Variants in LINGO2 observed in about 807,000 individuals in gnomAD.
LINGO2 encodes leucine rich repeat and Ig domain containing 2, also known as leucine-rich repeat and immunoglobulin-like domain-containing nogo receptor-interacting protein 2.
LINGO2 carries 14 observed loss-of-function variants against 30.6 expected under a neutral mutation model. The ratio of observed to expected loss-of-function variants is 0.46; its 90% CI spans 0.30 to 0.72. The LOEUF (loss-of-function observed/expected upper bound fraction) is 0.72. Ranked by LOEUF, LINGO2 falls within the 30% of genes least tolerant of loss-of-function variation. The pLI, the probability that LINGO2 is intolerant of heterozygous loss-of-function variation, is 0.07. For synonymous variants in LINGO2, 317 were observed against 288.5 expected, an observed-to-expected ratio of 1.10 and a Z score of -1.00; for missense variants, 729 against 751.7, an observed-to-expected ratio of 0.97 and a Z score of 0.35.
chr9:28,446,188 C>G (rs1824419844), intron 2 of LINGO2, among the ~76,000 whole-genome samples: 1 of 151,968 alleles, frequency 6.6e-6, no homozygotes, highest in African/African-American at 2.4e-5. Flanking sequence ...TGGAATGAAA[C>G]AAATTAAGGA....
chr9:28,109,436 G>GAA (rs1343301582), intron 4 of LINGO2, among the ~76,000 whole-genome samples: 12 of 152,068 alleles, frequency 7.9e-5, no homozygotes. Flanking sequence ...ATTCAAATAG[G>GAA]AAGAGGTGAA....
At chr9:29,102,602 G>C in the LINGO2 span, among the ~76,000 whole-genome samples, 1 of 152,108 alleles carries the variant, frequency 6.6e-6, no homozygotes, top group East Asian at 1.9e-4. Context: ...TGTAGGATTT[G>C]TGTTTTTATC....
At chr9:28,001,127 G>A (rs1449585290) in intron 5 of LINGO2, among the ~76,000 whole-genome samples, 1 of 152,106 alleles carries the variant, frequency 6.6e-6, no homozygotes, top group African/African-American at 2.4e-5. Context: ...TAGTACAGAA[G>A]TTTCCAAACA....
chr9:28,595,257 C>G (rs1206189729), intron 1 of LINGO2, among the ~76,000 whole-genome samples: 1 of 152,066 alleles, frequency 6.6e-6, no homozygotes, highest in Admixed American at 6.6e-5. Flanking sequence ...AATTGTGAGA[C>G]AGAAATACAT....
intron 4 of LINGO2, among the ~76,000 whole-genome samples, chr9:28,041,385 A>T (rs1180327919): frequency 1.3e-5 from 2 of 152,112 alleles, no homozygotes; most frequent in African/African-American, 4.8e-5. Flanking sequence ...AGCTGCTTGG[A>T]ACTCTTTACC....
chr9:29,137,077 A>C, the LINGO2 span, among the ~76,000 whole-genome samples: 1 of 152,146 alleles, frequency 6.6e-6, no homozygotes, highest in Admixed American at 6.6e-5. Flanking sequence ...CCAAAGATGC[A>C]GTACTGTAGT....
chr9:28,069,933 C>T (rs1264183622), intron 4 of LINGO2, among the ~76,000 whole-genome samples: 1 of 152,182 alleles, frequency 6.6e-6, no homozygotes, highest in Non-Finnish European at 1.5e-5. Flanking sequence ...GTCGCCATTG[C>T]ACTGCACAAA....
rs150676343 is a variant in LINGO2 at position 27,957,334 on chromosome 9, G to A, written c.-35-6628C>T. On this transcript the variant is annotated intron_variant, in intron 5 of 5. Coordinates refer to ENST00000379992, the Ensembl canonical transcript of LINGO2. Reference sequence around the variant, plus strand: ...TGTTGGGACAGAGTCTTGCTTTGTCGCCCGGCTGGAGTGAGGTGGCGCAAT... The same window carrying A: ...TGTTGGGACAGAGTCTTGCTTTGTCACCCGGCTGGAGTGAGGTGGCGCAAT... 1.6e-3 allele frequency among the ~76,000 whole-genome samples: 242 copies of A among 151,940 alleles called. 5 individuals are homozygous for A. The East Asian group carries it at 0.037, about 23-fold the overall frequency.
At chr9:28,756,517 G>C in the LINGO2 span, among the ~76,000 whole-genome samples, 3 of 151,844 alleles carry the variant, frequency 2.0e-5, no homozygotes, top group African/African-American at 7.3e-5. Context: ...ATGTAAAAAG[G>C]ACATGATATT....
chr9:28,741,115 G>A, the LINGO2 span, among the ~76,000 whole-genome samples: 5 of 151,908 alleles, frequency 3.3e-5, no homozygotes, highest in Non-Finnish European at 5.9e-5. Context: ...GTCTCCTGGG[G>A]TAAACATAGT....
At chr9:28,142,598 TTAAC>T (rs1827705225) in intron 4 of LINGO2, among the ~76,000 whole-genome samples, 1 of 152,196 alleles carries the variant, frequency 6.6e-6, no homozygotes, top group Non-Finnish European at 1.5e-5. Flanking sequence ...AAAGACTAGG[TTAAC>T]TAATGAAAAG....
chr9:28,860,069 C>T, the LINGO2 span, among the ~76,000 whole-genome samples: 289 of 151,940 alleles, frequency 1.9e-3, 1 homozygote, highest in African/African-American at 6.8e-3. Flanking sequence ...TTAAATAAAA[C>T]ATAAATATTT....
intron 2 of LINGO2, among the ~76,000 whole-genome samples, chr9:28,410,986 G>T (rs1400074780): frequency 6.6e-6 from 1 of 151,998 alleles, no homozygotes; most frequent in African/African-American, 2.4e-5. Context: ...ACCAAAACTG[G>T]CTGACATTAG....
At chr9:29,157,751 A>G in the LINGO2 span, among the ~76,000 whole-genome samples, 25 of 152,242 alleles carry the variant, frequency 1.6e-4, no homozygotes, top group Admixed American at 3.3e-4. Context: ...CGGCTTGTAT[A>G]ATACAATAAT....
chr9:28,515,538 T>C (rs1820588022), intron 1 of LINGO2, among the ~76,000 whole-genome samples: 1 of 152,162 alleles, frequency 6.6e-6, no homozygotes, highest in Non-Finnish European at 1.5e-5. Flanking sequence ...ATAGTTGCCA[T>C]AGCCTTCAGT....
At chr9:28,487,943 A>G (rs1260372619) in intron 1 of LINGO2, among the ~76,000 whole-genome samples, 1 of 152,196 alleles carries the variant, frequency 6.6e-6, no homozygotes, top group African/African-American at 2.4e-5. Flanking sequence ...AAGCCAAACA[A>G]AACAAGAGAA....
chr9:28,668,581 G>A (rs181208991), intron 1 of LINGO2, among the ~76,000 whole-genome samples: 1 of 151,448 alleles, frequency 6.6e-6, no homozygotes, highest in Admixed American at 6.6e-5. Context: ...CGCTCTGAAA[G>A]TACATCTAAA....
At chr9:28,804,870 A>G in the LINGO2 span, among the ~76,000 whole-genome samples, 15 of 152,102 alleles carry the variant, frequency 9.9e-5, no homozygotes, top group Admixed American at 9.2e-4. Flanking sequence ...AAGATGAATG[A>G]TACATTTAAT....
intron 4 of LINGO2, among the ~76,000 whole-genome samples, chr9:28,081,260 C>CA (rs1825764347): frequency 1.4e-5 from 2 of 140,310 alleles, no homozygotes; most frequent in Admixed American, 1.5e-4. Context: ...GAAGGAGAGG[C>CA]AAAATCACCT....
Sources: allele counts gnomAD v4.1 joint callset (sites outside exome capture counted in the v4.1 genomes callset), GRCh38; gene constraint gnomAD v4.1.1; transcripts MANE v1.5; gene names NCBI Gene and HGNC (gene_info 2026-07-23, HGNC 2026-07-21).